The following CD300A variants were observed in gnomAD, a reference collection of about 807,000 sequenced individuals.
CD300A encodes the protein CD300a molecule.
A neutral mutation model predicts 33.6 loss-of-function variants in CD300A; 22 were observed. The ratio of observed to expected loss-of-function variants is 0.66; its 90% CI spans 0.47 to 0.94. The LOEUF (loss-of-function observed/expected upper bound fraction) is 0.94, where lower values mean the gene tolerates loss of function less well. Among genes scored for constraint, CD300A ranks in the 40% least tolerant of loss-of-function variants. The pLI is 0.00. For missense variants in CD300A, 326 were observed against 360.5 expected (o/e 0.90, Z 0.77); for synonymous variants, 136 against 148.1 (o/e 0.92, Z 0.59).
rs1907137918 is a variant in CD300A, at chr17:74,484,766, G to C, written c.*640G>C. 1 of 152,166 alleles carries C rather than the reference G, an allele frequency of 6.6e-6. No homozygotes were observed. Among genetic ancestry groups the C allele is most frequent in the Non-Finnish European group, 1.5e-5 (1 of 68,038 alleles). 9.4% of individuals were successfully genotyped at this position (152,166 alleles called of 1,614,324 possible). Reference sequence around the variant, plus strand: ...TAAAAACAGTTTCAAATATCTTATTGAGGGAGAAGTAAAAACTTATTTAAA... The same window carrying C: ...TAAAAACAGTTTCAAATATCTTATTCAGGGAGAAGTAAAAACTTATTTAAA... On this transcript the variant is annotated 3_prime_UTR_variant, in exon 7 of 7. Transcript: ENST00000360141.
intron 3 of CD300A, 96 bp downstream of exon 3, chr17:74,474,781 G>A: frequency 1.5e-6 from 2 of 1,341,388 alleles, no homozygotes; most frequent in Non-Finnish European, 1.0e-6. Context: ...CTGGAGGTGT[G>A]CATCGCTCCC....
intron 1 of CD300A, among the ~76,000 whole-genome samples, chr17:74,467,575 C>T (rs1905808548): frequency 6.6e-6 from 1 of 152,208 alleles, no homozygotes; most frequent in Admixed American, 6.5e-5. Context: ...TCACGTCCAC[C>T]GCTCTCCTCA....
In CD300A at chr17:74,470,414, GGAGA is replaced by G. The variant is rs139612639; in HGVS notation, c.41-3112_41-3109del. Among the ~76,000 whole-genome samples, 6 of 151,728 alleles carry G rather than the reference GGAGA, an allele frequency of 4.0e-5. No individual in the cohort carries two copies. In the East Asian group the frequency reaches 5.8e-4, roughly 15 times the overall value. On this transcript the variant is annotated intron_variant, in intron 1 of 6. Coordinates refer to ENST00000360141, the MANE Select transcript of CD300A (RefSeq NM_007261.4). ...GAGAGAGAAAGAGAGAGAGCTAGAG[GGAGA>G]GAGAGAGAGGGAGAAAGAAACTAAA...
chr17:74,469,919 AT>A (rs1241203743), intron 1 of CD300A: 41 of 981,904 alleles, frequency 4.2e-5, no homozygotes, highest in Non-Finnish European at 4.8e-5. Flanking sequence ...CTGTTTCTTA[AT>A]TCACTGATTT....
chr17:74,466,905 C>A (rs773941235), intron 1 of CD300A, 162 bp downstream of exon 1: 62 of 1,477,352 alleles, frequency 4.2e-5, no homozygotes, highest in Non-Finnish European at 5.1e-5. Flanking sequence ...GATGAAGGTC[C>A]ACACCCCTGG....
intron 4 of CD300A, among the ~76,000 whole-genome samples, chr17:74,479,197 G>A (rs1262736110): frequency 6.6e-6 from 1 of 151,868 alleles, no homozygotes; most frequent in Non-Finnish European, 1.5e-5. Context: ...TATCCTTCCA[G>A]TCTTTTTTTC....
At chr17:74,482,732 T>TCCTTTCCTTCC (rs1555639394) in intron 6 of CD300A, among the ~76,000 whole-genome samples, 1 of 132,948 alleles carries the variant, frequency 7.5e-6, no homozygotes, top group African/African-American at 3.8e-5. Flanking sequence ...CTTTCTTTCT[T>TCCTTTCCTTCC]TGGAATCTCG....
At position 74,481,713 on chromosome 17, in the gene CD300A, C is replaced by T. The variant is rs773559218; in HGVS notation, c.667-13C>T. ...CTCCGTGGACACCCACCTGGGACCT[C>T]CTGCCCACCCAGGCTGCCACGCAGA... On this transcript the variant is annotated splice_polypyrimidine_tract_variant and intron_variant, in intron 5 of 6. Transcript: ENST00000360141. The T allele has an allele frequency of 5.5e-5, 87 of 1,594,252 alleles. No individual in the cohort carries two copies. Among genetic ancestry groups the T allele is most frequent in the Admixed American group, 1.6e-4 (9 of 57,022 alleles).
intron 1 of CD300A, among the ~76,000 whole-genome samples, chr17:74,467,219 G>C (rs1905777799): frequency 6.8e-6 from 1 of 147,070 alleles, no homozygotes; most frequent in Admixed American, 6.8e-5. Flanking sequence ...GTACGGAGGA[G>C]GGGGTGGGGC....
At chr17:74,469,211 A>G (rs1836613418) in intron 1 of CD300A, among the ~76,000 whole-genome samples, 1 of 151,742 alleles carries the variant, frequency 6.6e-6, no homozygotes, top group African/African-American at 2.4e-5. Context: ...AATAACACTC[A>G]TCATTTTTGG....
chr17:74,478,081 T>G (rs1906597697), intron 4 of CD300A, among the ~76,000 whole-genome samples: 1 of 152,198 alleles, frequency 6.6e-6, no homozygotes, highest in Non-Finnish European at 1.5e-5. Context: ...TTGTATCTCC[T>G]TTAATGACAG....
In CD300A at chr17:74,474,529, C is replaced by A; in HGVS notation, c.380-3C>A. 1.2e-6 allele frequency: 2 copies of A among 1,613,716 alleles called. No homozygotes were observed. The highest frequency in any genetic ancestry group is 1.7e-6 in the Non-Finnish European group (2 of 1,179,760). ...TGGGTCTGACTTGTGGTTTTGCCACCAGCATCAACGTCAATGACACCTGCA... is the reference window on the plus strand; with the variant it reads ...TGGGTCTGACTTGTGGTTTTGCCACAAGCATCAACGTCAATGACACCTGCA... On this transcript the variant is annotated splice_region_variant and splice_polypyrimidine_tract_variant and intron_variant, in intron 2 of 6. Transcript: ENST00000360141.
intron 4 of CD300A, among the ~76,000 whole-genome samples, 199 bp downstream of exon 4, chr17:74,477,729 G>A (rs1175116372): frequency 6.6e-6 from 1 of 152,124 alleles, no homozygotes; most frequent in African/African-American, 2.4e-5. Context: ...TGTGAGAGGT[G>A]GCTCCCAAGC....
At chr17:74,466,444 C>T (rs766469692), upstream of CD300A, 129 of 567,860 alleles carry the variant, frequency 2.3e-4, no homozygotes, top group Non-Finnish European at 3.7e-4. Context: ...GGAGAGGTCT[C>T]ATCACTAGAA....
At position 74,484,081 on chromosome 17, in the gene CD300A, G is replaced by A. The variant is rs1332437389; in HGVS notation, c.855G>A (p.Arg285=). 1 of 1,614,048 alleles carries A rather than the reference G, an allele frequency of 6.2e-7. No individual in the cohort carries two copies. The highest frequency in any genetic ancestry group is 2.2e-5 in the East Asian group (1 of 44,880). ...NTNRIAAQRP[R]EEEPDSDYSV... ...ACAGGATAGCTGCTCAGAGGCCTCG[G>A]GAGGAGGAACCAGATTCAGATTACA... The change falls in exon 7 of 7, where the codon CGG becomes CGA. Residue 285 remains arginine (R), a synonymous_variant. Transcript: ENST00000360141.
Position 74,480,522 on chromosome 17 carries a change from G to C in CD300A, c.629-767G>C, listed in dbSNP as rs987379684. 2.0e-5 allele frequency among the ~76,000 whole-genome samples: 3 copies of C among 152,300 alleles called. No individual in the cohort carries two copies. Among genetic ancestry groups the C allele is most frequent in the Non-Finnish European group, 4.4e-5 (3 of 68,008 alleles). ...GGGCTGACAGGCCTCCTTCCCTACG[G>C]CCTGGGGCAGCAGGCAGGTGGGCTG... On this transcript the variant is annotated intron_variant, in intron 4 of 6. Coordinates refer to ENST00000360141, the MANE Select transcript of CD300A (RefSeq NM_007261.4). This position sits in a 1 kb window ranked among gnomAD's most constrained non-coding sequence, Gnocchi z 4.2.
At chr17:74,478,610 G>A (rs1467503101) in intron 4 of CD300A, among the ~76,000 whole-genome samples, 1 of 152,242 alleles carries the variant, frequency 6.6e-6, no homozygotes, top group African/African-American at 2.4e-5. Context: ...GAGGTCAAGT[G>A]TAAGCCTGAA....
Position 74,481,851 on chromosome 17 carries a change from G to T in CD300A, c.774+18G>T. 1 of 1,585,398 alleles carries T rather than the reference G, an allele frequency of 6.3e-7. No individual in the cohort carries two copies. The highest frequency in any genetic ancestry group is 2.3e-5 in the East Asian group (1 of 44,284). ...GCACTGTGGTAAGTGCAGGAGCCCG[G>T]CTTTTGGGCATGCGGCCCCTGGGCT... On this transcript the variant is annotated intron_variant, in intron 6 of 6. Transcript: ENST00000360141.
chr17:74,473,567 G>T lies in CD300A; in HGVS notation c.72G>T (p.Val24=). The T allele has an allele frequency of 6.2e-7, 1 of 1,613,950 alleles. No homozygotes were observed. The highest frequency in any genetic ancestry group is 1.7e-5 in the Admixed American group (1 of 60,018). ...GCFALSKCRT[V]AGPVGGSLSV... ...TTGCTCTGAGCAAATGCAGGACCGT[G>T]GCGGGCCCCGTGGGGGGATCCCTGA... The change falls in exon 2 of 7, where the codon GTG becomes GTT. Residue 24 remains valine (V), a synonymous_variant. Coordinates refer to ENST00000360141, the MANE Select transcript of CD300A (RefSeq NM_007261.4).
Sources: allele counts gnomAD v4.1 joint callset (sites outside exome capture counted in the v4.1 genomes callset), GRCh38; gene constraint gnomAD v4.1.1; non-coding constraint Gnocchi (gnomAD v3.1); transcripts MANE v1.5; gene names NCBI Gene and HGNC (gene_info 2026-07-23, HGNC 2026-07-21).